OSMR: variants seen among roughly 807,000 people sequenced by gnomAD.
OSMR encodes the protein oncostatin-M-specific receptor subunit beta.
In OSMR, 81 loss-of-function variants were observed where a neutral mutation model predicts 99.9. The observed-to-expected ratio is 0.81, with a 90% CI of 0.68 to 0.97. The LOEUF (loss-of-function observed/expected upper bound fraction) is 0.97. Ranked by LOEUF, OSMR falls within the 50% of genes least tolerant of loss-of-function variation. The probability of loss-of-function intolerance (pLI) is 0.00; values close to 1 mark genes in which losing one functional copy is unlikely to be tolerated. For missense variants in OSMR, 1,099 were observed against 1,153.4 expected, an observed-to-expected ratio of 0.95 and a Z score of 0.68; for synonymous variants, 406 against 410.4, an observed-to-expected ratio of 0.99 and a Z score of 0.13.
At chr5:38,905,830 G>A (rs957999806) in intron 9 of OSMR, among the ~76,000 whole-genome samples, 2 of 152,162 alleles carry the variant, frequency 1.3e-5, no homozygotes, top group African/African-American at 4.8e-5. Context: ...TTATACATAT[G>A]TATTTTATTA....
chr5:38,944,588 GAAGTT>G (rs897941119), intron 2 of OSMR: 1 of 1,563,778 alleles, frequency 6.4e-7, no homozygotes, highest in African/African-American at 1.4e-5. Flanking sequence ...ATTTCAGGGA[GAAGTT>G]AAATATTATC....
At chr5:38,942,882 G>C (rs77464125) in intron 1 of OSMR, 4 of 1,611,260 alleles carry the variant, frequency 2.5e-6, no homozygotes, top group Admixed American at 3.3e-5. Flanking sequence ...CCTCCGACAC[G>C]GAAGTCTGAA....
chr5:38,933,784 G>T lies in OSMR; in HGVS notation c.*340G>T, dbSNP rs834011. On this transcript the variant is annotated 3_prime_UTR_variant, in exon 18 of 18. Coordinates refer to ENST00000274276, the MANE Select transcript of OSMR (RefSeq NM_003999.3). ...ACTCAGTACTGTACAGGGTGGCTGT[G>T]GTCCTAGAAGTTCAGTTTTTACTGA... is the stretch of plus-strand genomic sequence containing the variant. 7,038 of 240,400 alleles carry T rather than the reference G, an allele frequency of 0.029. 187 individuals are homozygous for T. Among genetic ancestry groups the T allele is most frequent in the South Asian group, 0.08 (771 of 9,622 alleles). 14.9% of individuals were successfully genotyped at this position (240,400 alleles called of 1,614,324 possible).
intron 5 of OSMR, 117 bp downstream of exon 5, chr5:38,884,228 C>T: frequency 1.1e-6 from 1 of 907,594 alleles, no homozygotes; most frequent in Middle Eastern, 2.3e-4. Flanking sequence ...TCTTTTGTTT[C>T]CCAAGTTTTC....
At chr5:38,940,138 A>G (rs1561426119), downstream of OSMR, 1 of 207,038 alleles carries the variant, frequency 4.8e-6, no homozygotes, top group African/African-American at 2.9e-5. Context: ...AGTAAAAAAA[A>G]AAAACAAAAA....
At chr5:38,873,686 G>C (rs1324669437) in intron 2 of OSMR, among the ~76,000 whole-genome samples, 1 of 152,098 alleles carries the variant, frequency 6.6e-6, no homozygotes, top group Non-Finnish European at 1.5e-5. Context: ...ATCTTCATGG[G>C]TGTGAAATGG....
intron 2 of OSMR, among the ~76,000 whole-genome samples, chr5:38,875,648 A>C (rs548728531): frequency 1.2e-4 from 18 of 152,164 alleles, no homozygotes; most frequent in Non-Finnish European, 2.4e-4. Flanking sequence ...TGTCACAATT[A>C]TTTTATTTCA....
At chr5:38,899,579 C>T (rs1271646816) in intron 7 of OSMR, among the ~76,000 whole-genome samples, 2 of 152,220 alleles carry the variant, frequency 1.3e-5, no homozygotes, top group African/African-American at 4.8e-5. Flanking sequence ...TTGGGTATTG[C>T]TCCTGGTTAT....
intron 12 of OSMR, among the ~76,000 whole-genome samples, chr5:38,922,758 A>G (rs1353943456): frequency 1.3e-5 from 2 of 152,050 alleles, no homozygotes; most frequent in Non-Finnish European, 2.9e-5. Context: ...GGGGAGCACA[A>G]ATTTATTTTT....
At chr5:38,914,895 T>A (rs1182474394) in intron 9 of OSMR, among the ~76,000 whole-genome samples, 1 of 152,150 alleles carries the variant, frequency 6.6e-6, no homozygotes, top group Non-Finnish European at 1.5e-5. Flanking sequence ...TGCCCACTGT[T>A]TGGGTGATGG....
intron 7 of OSMR, among the ~76,000 whole-genome samples, chr5:38,899,337 T>C (rs1744741584): frequency 6.6e-6 from 1 of 152,132 alleles, no homozygotes; most frequent in South Asian, 2.1e-4. Flanking sequence ...AGTGGGCTCC[T>C]CTGTGTCCCA....
downstream of OSMR, chr5:38,940,175 A>G: frequency 4.3e-6 from 1 of 230,478 alleles, no homozygotes. Context: ...TCAGGCCAAT[A>G]CTAACTAAGC....
At chr5:38,904,527 A>G (rs757669197) in intron 9 of OSMR, 24 bp downstream of exon 9, 1 of 1,614,116 alleles carries the variant, frequency 6.2e-7, no homozygotes, top group Non-Finnish European at 8.5e-7. Context: ...CTGGCATTTA[A>G]CCCAAAGAAG....
chr5:38,941,605 T>C (rs2163299), intron 1 of OSMR: 2,590 of 231,780 alleles, frequency 0.011, 94 homozygotes, highest in East Asian at 0.073. Context: ...GTGAAAAACC[T>C]TAATTGGTTC....
intron 7 of OSMR, among the ~76,000 whole-genome samples, chr5:38,893,501 G>A (rs1287486344): frequency 6.6e-6 from 1 of 151,894 alleles, no homozygotes; most frequent in Non-Finnish European, 1.5e-5. Flanking sequence ...AGAACTACTG[G>A]GACTGAAAAA....
Position 38,873,871 on chromosome 5 carries a change from T to C in OSMR, c.74-2330T>C, listed in dbSNP as rs1444233490. Reference sequence around the variant, plus strand: ...TTTATTGTGACAGGGTCTCACTCTGTTGCCCAGGTGGAGTGCAGTGGTGTG... The same window carrying C: ...TTTATTGTGACAGGGTCTCACTCTGCTGCCCAGGTGGAGTGCAGTGGTGTG... On this transcript the variant is annotated intron_variant, in intron 2 of 17. Coordinates refer to ENST00000274276, the MANE Select transcript of OSMR (RefSeq NM_003999.3). 3.3e-5 allele frequency among the ~76,000 whole-genome samples: 5 copies of C among 152,168 alleles called. No individual in the cohort carries two copies. In the South Asian group the frequency reaches 6.2e-4, roughly 19 times the overall value.
chr5:38,853,187 A>T (rs1373333550), intron 1 of OSMR, among the ~76,000 whole-genome samples: 2 of 152,100 alleles, frequency 1.3e-5, no homozygotes, highest in Admixed American at 6.5e-5. Context: ...CTATGATTTA[A>T]TCTAGTACTT....
At position 38,924,457 on chromosome 5, in the gene OSMR, T is replaced by C. The variant is rs1216156186; in HGVS notation, c.1906T>C (p.Leu636=). 7.4e-6 allele frequency: 12 copies of C among 1,614,000 alleles called. No individual in the cohort carries two copies. The highest frequency in any genetic ancestry group is 1.0e-5 in the Non-Finnish European group (12 of 1,179,958). The change falls in exon 14 of 18, where the codon TTG becomes CTG. Residue 636 remains leucine (L), a synonymous_variant. Coordinates refer to ENST00000274276, the MANE Select transcript of OSMR (RefSeq NM_003999.3). Reference sequence around the variant, plus strand: ...CAACCCTCACGTGCTGGTGGATACATTGACATCCCACTCCTTCACTCTGAG... The same window carrying C: ...CAACCCTCACGTGCTGGTGGATACACTGACATCCCACTCCTTCACTCTGAG... ...SDNPHVLVDT[L]TSHSFTLSWK... is the part of the protein sequence containing the mutation.
In OSMR at chr5:38,886,187, C is replaced by T. The variant is rs1033404108; in HGVS notation, c.988C>T (p.Arg330Ter). 8.1e-6 allele frequency: 13 copies of T among 1,613,916 alleles called. No homozygotes were observed. The highest frequency in any genetic ancestry group is 2.2e-5 in the East Asian group (1 of 44,890). The change falls in exon 7 of 18, where the codon CGA becomes TGA. Residue 330 changes from arginine to a stop codon, truncating the protein, a stop_gained. Transcript: ENST00000274276. LOFTEE classifies it high-confidence loss of function. ...SVNILFNLTHRVYLMNPFSVN... is the reference protein window; with the variant it reads ...SVNILFNLTH Reference sequence around the variant, plus strand: ...CAATATCCTTTTTAACCTGACTCATCGAGGTGAGACTAGAGTTGTCACAGC... The same window carrying T: ...CAATATCCTTTTTAACCTGACTCATTGAGGTGAGACTAGAGTTGTCACAGC...
Sources: allele counts gnomAD v4.1 joint callset (sites outside exome capture counted in the v4.1 genomes callset), GRCh38; gene constraint gnomAD v4.1.1; transcripts MANE v1.5; gene names NCBI Gene and HGNC (gene_info 2026-07-23, HGNC 2026-07-21).